Variants in CRADD observed in about 807,000 individuals in gnomAD.
CRADD encodes the protein CARD and death domain containing adaptor protein.
A neutral mutation model predicts 15.5 loss-of-function variants in CRADD; 9 were observed. The ratio of observed to expected loss-of-function variants is 0.58; its 90% CI spans 0.35 to 1.01. CRADD has a LOEUF of 1.01. CRADD is among the 50% of genes least tolerant of loss of function. The pLI is 0.02. For synonymous variants in CRADD, 118 were observed against 107.6 expected, an observed-to-expected ratio of 1.10 and a Z score of -0.60; for missense variants, 227 against 250.3, an observed-to-expected ratio of 0.91 and a Z score of 0.63.
At chr12:93,719,238 G>A (rs1592924466) in intron 2 of CRADD, among the ~76,000 whole-genome samples, 1 of 152,238 alleles carries the variant, frequency 6.6e-6, no homozygotes, top group South Asian at 2.1e-4. Flanking sequence ...TTGATGTGAT[G>A]GATTAGATTA....
chr12:93,698,381 C>CT (rs1011843204), intron 2 of CRADD, among the ~76,000 whole-genome samples: 1 of 152,104 alleles, frequency 6.6e-6, no homozygotes, highest in Non-Finnish European at 1.5e-5. Flanking sequence ...AGTATATATA[C>CT]TTTTTTCTTC....
chr12:93,711,055 C>CCCTCTT, intron 2 of CRADD, among the ~76,000 whole-genome samples: 1 of 43,508 alleles, frequency 2.3e-5, no homozygotes, highest in Non-Finnish European at 4.4e-5. Flanking sequence ...CCACCCCCGC[C>CCCTCTT]TTTTTTTTTT....
Position 93,850,211 on chromosome 12 carries a change from G to A in CRADD, c.540G>A (p.Leu180=), listed in dbSNP as rs1958199772. ...GGAAGCAGGCCACCTTCCAGAGCCT[G>A]CACAACGGGCTGCGGGCTGTGGAGG... ...RFGKQATFQS[L]HNGLRAVEVD... is the part of the protein sequence containing the mutation. The change falls in exon 3 of 3, where the codon CTG becomes CTA. Residue 180 remains leucine (L), a synonymous_variant. Transcript: ENST00000332896. This position sits in a 1 kb window ranked among gnomAD's most constrained non-coding sequence, Gnocchi z 4.0. 1.9e-6 allele frequency: 3 copies of A among 1,612,484 alleles called. No homozygotes were observed. Among genetic ancestry groups the A allele is most frequent in the Non-Finnish European group, 2.5e-6 (3 of 1,179,228 alleles).
intron 2 of CRADD, 38 bp from the exon 3 acceptor site, chr12:93,849,931 GC>G: frequency 8.3e-7 from 1 of 1,199,552 alleles, no homozygotes; most frequent in Non-Finnish European, 1.2e-6. Flanking sequence ...TGTGTTTGTT[GC>G]CTTGCTCATT....
chr12:93,814,810 C>T (rs1447482894), intron 2 of CRADD, among the ~76,000 whole-genome samples: 3 of 152,158 alleles, frequency 2.0e-5, no homozygotes, highest in African/African-American at 4.8e-5. Context: ...ATGCGTGAAA[C>T]CAGCCACATA....
chr12:93,883,083 G>A (rs995551765), intron 2 of CRADD, among the ~76,000 whole-genome samples: 1 of 152,196 alleles, frequency 6.6e-6, no homozygotes, highest in Non-Finnish European at 1.5e-5. Context: ...TTTGATTAAT[G>A]TGGGATATAA....
chr12:93,793,713 G>T (rs1416324862), intron 2 of CRADD, among the ~76,000 whole-genome samples: 1 of 152,196 alleles, frequency 6.6e-6, no homozygotes, highest in Non-Finnish European at 1.5e-5. Flanking sequence ...GGAATAGGTG[G>T]AAGAAGTGGG....
chr12:93,742,636 A>T (rs1956691754), intron 2 of CRADD, among the ~76,000 whole-genome samples: 1 of 152,166 alleles, frequency 6.6e-6, no homozygotes, highest in African/African-American at 2.4e-5. Context: ...AACAAACCCA[A>T]CCCAAACCTG....
chr12:93,875,063 C>T (rs1389526714), intron 2 of CRADD, among the ~76,000 whole-genome samples: 1 of 152,030 alleles, frequency 6.6e-6, no homozygotes, highest in Non-Finnish European at 1.5e-5. Flanking sequence ...TCTCTCCCTT[C>T]AGCTCTAATA....
At chr12:93,751,651 G>A (rs1204593517) in intron 2 of CRADD, among the ~76,000 whole-genome samples, 1 of 152,142 alleles carries the variant, frequency 6.6e-6, no homozygotes, top group Non-Finnish European at 1.5e-5. Flanking sequence ...GATCACTTGA[G>A]GTCAGAAGTT....
intron 2 of CRADD, among the ~76,000 whole-genome samples, chr12:93,828,032 G>A (rs1231971147): frequency 6.6e-6 from 1 of 152,184 alleles, no homozygotes; most frequent in Non-Finnish European, 1.5e-5. Context: ...GAGTGGTATT[G>A]CATTGTGATT....
intron 2 of CRADD, among the ~76,000 whole-genome samples, chr12:93,799,367 C>A (rs1957453676): frequency 6.6e-6 from 1 of 152,124 alleles, no homozygotes; most frequent in African/African-American, 2.4e-5. Context: ...TATTGTAACC[C>A]AGCACACACA....
chr12:93,788,470 G>T (rs1361311306), intron 2 of CRADD, among the ~76,000 whole-genome samples: 1 of 152,174 alleles, frequency 6.6e-6, no homozygotes, highest in Admixed American at 6.5e-5. Context: ...ACCACAGTGT[G>T]TGTGGTCTCT....
intron 2 of CRADD, among the ~76,000 whole-genome samples, chr12:93,747,126 TA>T (rs1314638641): frequency 6.6e-6 from 1 of 152,198 alleles, no homozygotes; most frequent in African/African-American, 2.4e-5. Flanking sequence ...ACTAGTATTA[TA>T]AACTTTAACC....
intron 2 of CRADD, among the ~76,000 whole-genome samples, chr12:93,817,881 A>G (rs1285331409): frequency 6.6e-6 from 1 of 151,994 alleles, no homozygotes; most frequent in Non-Finnish European, 1.5e-5. Context: ...TGTTGCTACT[A>G]CTGTTGCAAC....
intron 2 of CRADD, among the ~76,000 whole-genome samples, chr12:93,750,527 A>G (rs1181408589): frequency 6.6e-6 from 1 of 152,196 alleles, no homozygotes; most frequent in Admixed American, 6.5e-5. Context: ...AAATAACAAA[A>G]AATACATACA....
chr12:93,795,612 C>G (rs886373076), intron 2 of CRADD, among the ~76,000 whole-genome samples: 1 of 152,178 alleles, frequency 6.6e-6, no homozygotes, highest in East Asian at 1.9e-4. Context: ...CCATTCACTC[C>G]TTTGCTCTAA....
chr12:93,704,408 C>T (rs1424302604), intron 2 of CRADD, among the ~76,000 whole-genome samples: 1 of 152,080 alleles, frequency 6.6e-6, no homozygotes, highest in East Asian at 1.9e-4. Context: ...TAAAAGGCAC[C>T]ATCTGTATTT....
At chr12:93,822,507 A>C (rs954034884) in intron 2 of CRADD, among the ~76,000 whole-genome samples, 2 of 152,208 alleles carry the variant, frequency 1.3e-5, no homozygotes, top group Non-Finnish European at 1.5e-5. Flanking sequence ...AGGCATGGGC[A>C]ACTCCAGACC....
Sources: gnomAD v4.1 joint callset for allele counts (sites outside exome capture counted in the v4.1 genomes callset) on GRCh38, gnomAD v4.1.1 for gene constraint, Gnocchi (gnomAD v3.1) non-coding constraint, MANE v1.5 for transcripts, NCBI Gene and HGNC (gene_info 2026-07-23, HGNC 2026-07-21) for gene names.